Variants in VPS13B observed in about 807,000 individuals in gnomAD.
VPS13B encodes intermembrane lipid transfer protein VPS13B.
VPS13B carries 285 observed loss-of-function variants against 426.4 expected under a neutral mutation model. That is an observed-to-expected ratio of 0.67 (90% CI 0.61 to 0.74). The LOEUF (loss-of-function observed/expected upper bound fraction) is 0.74, where lower values mean the gene tolerates loss of function less well. Ranked by LOEUF, VPS13B falls within the 30% of genes least tolerant of loss-of-function variation. The probability of loss-of-function intolerance (pLI) is 0.00; values close to 1 mark genes in which losing one functional copy is unlikely to be tolerated. For missense variants in VPS13B, 4,537 were observed against 4,782.6 expected (o/e 0.95, Z 1.51); for synonymous variants, 1,676 against 1,676.4 (o/e 1.00, Z 0.01).
chr8:99,614,744 A>G (rs1828006596), intron 33 of VPS13B, among the ~76,000 whole-genome samples: 1 of 152,230 alleles, frequency 6.6e-6, no homozygotes, highest in Non-Finnish European at 1.5e-5. Flanking sequence ...TGGATTAAAT[A>G]AACTTCTATT....
chr8:99,585,727 T>A (rs995809980), intron 33 of VPS13B, among the ~76,000 whole-genome samples: 1 of 152,142 alleles, frequency 6.6e-6, no homozygotes, highest in African/African-American at 2.4e-5. Flanking sequence ...TCATCATAGT[T>A]GATGATAAAA....
intron 19 of VPS13B, among the ~76,000 whole-genome samples, chr8:99,299,876 C>T (rs1820266535): frequency 6.6e-6 from 1 of 152,116 alleles, no homozygotes; most frequent in Non-Finnish European, 1.5e-5. Context: ...TGCCATTGCT[C>T]TCCAGCCTTA....
At chr8:99,516,172 AC>A (rs978372046) in intron 29 of VPS13B, among the ~76,000 whole-genome samples, 1 of 152,154 alleles carries the variant, frequency 6.6e-6, no homozygotes, top group African/African-American at 2.4e-5. Flanking sequence ...CTTCTTTGCT[AC>A]TCTTAATTTA....
At chr8:99,485,962 A>T (rs1820279311) in intron 25 of VPS13B, among the ~76,000 whole-genome samples, 1 of 151,118 alleles carries the variant, frequency 6.6e-6, no homozygotes. Context: ...ATATCTGCTG[A>T]CTCTCCCTTT....
intron 19 of VPS13B, among the ~76,000 whole-genome samples, chr8:99,327,897 C>CA (rs1395584731): frequency 6.6e-6 from 1 of 152,138 alleles, no homozygotes; most frequent in African/African-American, 2.4e-5. Context: ...TATTCTCAAA[C>CA]AATACACAAA....
intron 24 of VPS13B, among the ~76,000 whole-genome samples, chr8:99,468,147 AC>A (rs1460767835): frequency 1.3e-5 from 2 of 151,502 alleles, no homozygotes; most frequent in Non-Finnish European, 2.9e-5. Context: ...CTATCCCCCG[AC>A]CCCCCAGCCC....
At chr8:99,310,473 A>C (rs1820894059) in intron 19 of VPS13B, among the ~76,000 whole-genome samples, 1 of 152,138 alleles carries the variant, frequency 6.6e-6, no homozygotes, top group Non-Finnish European at 1.5e-5. Context: ...GGTTCTGTTT[A>C]TATACTGGAT....
intron 30 of VPS13B, among the ~76,000 whole-genome samples, chr8:99,527,132 A>T (rs1020800860): frequency 6.6e-6 from 1 of 151,548 alleles, no homozygotes; most frequent in South Asian, 2.1e-4. Context: ...CTCCATTCTC[A>T]GTCTTTCCCA....
At chr8:99,038,348 A>T in intron 2 of VPS13B, 75 bp from the exon 3 acceptor site, 2 of 1,269,218 alleles carry the variant, frequency 1.6e-6, no homozygotes, top group Non-Finnish European at 2.1e-6. Context: ...TTTATTTTTT[A>T]AAAAAGAAAT....
intron 58 of VPS13B, among the ~76,000 whole-genome samples, chr8:99,867,382 G>A (rs1817162022): frequency 6.6e-6 from 1 of 152,224 alleles, no homozygotes; most frequent in Non-Finnish European, 1.5e-5. Flanking sequence ...CAGGCTCAGT[G>A]CAGGAGATGG....
At chr8:99,174,927 A>G (rs778192867) in intron 16 of VPS13B, among the ~76,000 whole-genome samples, 23 of 152,330 alleles carry the variant, frequency 1.5e-4, no homozygotes, top group Middle Eastern at 6.8e-3. Flanking sequence ...TCTTGATAGC[A>G]TAACACTTTT....
chr8:99,349,351 A>AAAAAAAAAAAAAAT, intron 19 of VPS13B, among the ~76,000 whole-genome samples: 1 of 148,760 alleles, frequency 6.7e-6, no homozygotes, highest in Non-Finnish European at 1.5e-5. Flanking sequence ...AAAAAAAAAA[A>AAAAAAAAAAAAAAT]AAAAGAAAAT....
At chr8:99,584,511 C>T (rs548152506) in intron 33 of VPS13B, among the ~76,000 whole-genome samples, 7 of 152,328 alleles carry the variant, frequency 4.6e-5, no homozygotes, top group African/African-American at 1.7e-4. Flanking sequence ...ATGCCAGATA[C>T]ACTGGCTACA....
chr8:99,824,126 T>A, intron 51 of VPS13B, 148 bp downstream of exon 51: 2 of 1,011,914 alleles, frequency 2.0e-6, no homozygotes, highest in Non-Finnish European at 1.5e-6. Context: ...ATTAAAACCA[T>A]GAATGTCATG....
At position 99,264,597 on chromosome 8, in the gene VPS13B, C is replaced by G. The variant is rs567536400; in HGVS notation, c.2516-9601C>G. On this transcript the variant is annotated intron_variant, in intron 17 of 61. Coordinates refer to ENST00000357162, the MANE Select transcript of VPS13B (RefSeq NM_152564.5). ...TTCTGTTGAGAAGTTTGATGCCATT[C>G]TAATTGTTTAACCTTTGTTTGTCAC... is the stretch of plus-strand genomic sequence containing the variant. Among the ~76,000 whole-genome samples the G allele has an allele frequency of 5.3e-5, 8 of 152,122 alleles. No individual in the cohort carries two copies. In the East Asian group the frequency reaches 1.5e-3, roughly 29 times the overall value.
At chr8:99,058,357 A>G (rs1319161126) in intron 3 of VPS13B, among the ~76,000 whole-genome samples, 3 of 151,514 alleles carry the variant, frequency 2.0e-5, no homozygotes, top group Non-Finnish European at 4.4e-5. Flanking sequence ...CCTAAAATCT[A>G]TCATTTATTT....
intron 54 of VPS13B, among the ~76,000 whole-genome samples, chr8:99,837,825 A>T (rs1327508736): frequency 2.0e-5 from 3 of 152,210 alleles, no homozygotes; most frequent in Admixed American, 6.5e-5. Flanking sequence ...GTCCTTCTGG[A>T]GGAGGGAGTT....
At chr8:99,564,785 C>T (rs976872646) in intron 31 of VPS13B, among the ~76,000 whole-genome samples, 3 of 152,202 alleles carry the variant, frequency 2.0e-5, no homozygotes, top group Non-Finnish European at 2.9e-5. Context: ...GGTTCTTTGG[C>T]TTGTCCAGTG....
Position 99,556,482 on chromosome 8 carries a change from CT to C in VPS13B, c.4779del (p.Gly1594AspfsTer11), listed in dbSNP as rs1435557617. ...RALNLGILRD[P>X]GSEIEDRQYQ... ...TTGAACTTAGGAATTCTTCGAGATC[CT>C]GGATCAGAAATCGAAGACAGACAAT... On this transcript the variant is annotated frameshift_variant, in exon 31 of 62. Coordinates refer to ENST00000357162, the MANE Select transcript of VPS13B (RefSeq NM_152564.5). LOFTEE classifies it high-confidence loss of function. The C allele has an allele frequency of 6.2e-7, 1 of 1,612,768 alleles. No homozygotes were observed. Among genetic ancestry groups the C allele is most frequent in the Non-Finnish European group, 8.5e-7 (1 of 1,179,474 alleles).
Sources: gnomAD v4.1 joint callset for allele counts (sites outside exome capture counted in the v4.1 genomes callset) on GRCh38, gnomAD v4.1.1 for gene constraint, MANE v1.5 for transcripts, NCBI Gene and HGNC (gene_info 2026-07-23, HGNC 2026-07-21) for gene names.